Variants in ZFAT observed in about 807,000 individuals in gnomAD.
The protein encoded by ZFAT is zinc finger protein ZFAT.
A neutral mutation model predicts 117.7 loss-of-function variants in ZFAT; 64 were observed. The observed-to-expected ratio is 0.54, with a 90% confidence interval of 0.44 to 0.67. The LOEUF is 0.67. Among genes scored for constraint, ZFAT ranks in the 30% least tolerant of loss-of-function variants. The pLI, the probability that ZFAT is intolerant of heterozygous loss-of-function variation, is 0.00. For missense variants in ZFAT, 1,433 were observed against 1,584.5 expected, an observed-to-expected ratio of 0.90 and a Z score of 1.62; for synonymous variants, 679 against 615.0, an observed-to-expected ratio of 1.10 and a Z score of -1.54.
intron 1 of ZFAT, among the ~76,000 whole-genome samples, chr8:134,676,357 A>G (rs1004144210): frequency 6.6e-6 from 1 of 152,168 alleles, no homozygotes; most frequent in African/African-American, 2.4e-5. Context: ...GAAGTGCATT[A>G]CATAATGGTA....
intron 1 of ZFAT, among the ~76,000 whole-genome samples, chr8:134,699,163 A>G (rs944262731): frequency 1.3e-5 from 2 of 152,134 alleles, no homozygotes; most frequent in Non-Finnish European, 2.9e-5. Context: ...CTGAGGATAA[A>G]GCCAGGGTCC....
Position 134,655,646 on chromosome 8 carries a change from T to A in ZFAT, c.196+1915A>T, listed in dbSNP as rs181246539. On this transcript the variant is annotated intron_variant, in intron 2 of 15. Coordinates refer to ENST00000377838, the MANE Select transcript of ZFAT (RefSeq NM_020863.4). ...CTGGGCAACAGAGTGAGACTCAGTC[T>A]CAAAAAGAAAATGAAAAAAATAAAA... 1.4e-4 allele frequency among the ~76,000 whole-genome samples: 21 copies of A among 151,924 alleles called. 1 individual carries two copies. In the East Asian group the frequency reaches 2.5e-3, roughly 18 times the overall value.
chr8:134,716,757 G>C (rs1414865839), upstream of ZFAT, among the ~76,000 whole-genome samples: 1 of 152,162 alleles, frequency 6.6e-6, no homozygotes, highest in East Asian at 1.9e-4. Flanking sequence ...AGTTAACATT[G>C]TATATGCAAA....
At chr8:134,618,917 T>C (rs367704955) in intron 3 of ZFAT, among the ~76,000 whole-genome samples, 1 of 152,344 alleles carries the variant, frequency 6.6e-6, no homozygotes, top group African/African-American at 2.4e-5. Context: ...GTTTACATGC[T>C]AGTGAGGAAA....
the ZFAT span, among the ~76,000 whole-genome samples, chr8:134,779,752 AT>A: frequency 6.6e-6 from 1 of 152,192 alleles, no homozygotes; most frequent in African/African-American, 2.4e-5. Context: ...TAAACTCCCT[AT>A]TATACTTTTA....
chr8:134,765,284 T>A, the ZFAT span: 2 of 152,250 alleles, frequency 1.3e-5, no homozygotes, highest in African/African-American at 4.8e-5. Flanking sequence ...GCTTCTGGGG[T>A]CACTGAGGCC....
chr8:134,717,474 T>TTTTTTTTTTTTTTTTC (rs1814224837), upstream of ZFAT, among the ~76,000 whole-genome samples: 1 of 59,868 alleles, frequency 1.7e-5, no homozygotes, highest in African/African-American at 9.5e-5. Context: ...CTCTTTTTTT[T>TTTTTTTTTTTTTTTTC]TTTTTTTTTT....
chr8:134,754,630 T>A, the ZFAT span, among the ~76,000 whole-genome samples: 4 of 152,300 alleles, frequency 2.6e-5, no homozygotes, highest in African/African-American at 9.6e-5. Flanking sequence ...ACCTGTAAAA[T>A]AGTAGGAGGC....
the ZFAT span, among the ~76,000 whole-genome samples, chr8:134,775,495 G>A: frequency 6.6e-6 from 1 of 152,078 alleles, no homozygotes; most frequent in Admixed American, 6.6e-5. Flanking sequence ...AAAAATGGGG[G>A]AATTAACAAG....
chr8:134,730,690 T>C, the ZFAT span, among the ~76,000 whole-genome samples: 3 of 152,138 alleles, frequency 2.0e-5, no homozygotes, highest in South Asian at 6.2e-4. Context: ...ATTATTGGAG[T>C]TCAAATGACT....
intron 11 of ZFAT, among the ~76,000 whole-genome samples, chr8:134,548,278 C>T (rs78333030): frequency 0.015 from 2,337 of 152,284 alleles, 51 homozygotes; most frequent in African/African-American, 0.054. Flanking sequence ...CCCATTGATG[C>T]TGTTAAACAC....
At chr8:134,733,689 G>C in the ZFAT span, among the ~76,000 whole-genome samples, 45 of 152,374 alleles carry the variant, frequency 3.0e-4, no homozygotes, top group East Asian at 4.4e-3. Flanking sequence ...TGTGTCTCTT[G>C]ATTGTCCCTC....
At chr8:134,771,250 T>G in the ZFAT span, among the ~76,000 whole-genome samples, 1 of 152,222 alleles carries the variant, frequency 6.6e-6, no homozygotes, top group African/African-American at 2.4e-5. Flanking sequence ...TCTTTTGTAC[T>G]CTGTCCCTTT....
intron 15 of ZFAT, among the ~76,000 whole-genome samples, chr8:134,504,385 TA>T (rs910727384): frequency 3.9e-5 from 6 of 152,072 alleles, no homozygotes; most frequent in African/African-American, 1.4e-4. Context: ...CTGACCTTCT[TA>T]AAAAGAAGAT....
intron 5 of ZFAT, among the ~76,000 whole-genome samples, chr8:134,604,244 G>T (rs1827719371): frequency 6.6e-6 from 1 of 152,176 alleles, no homozygotes; most frequent in Non-Finnish European, 1.5e-5. Context: ...CTGAGTATTT[G>T]CCCCATGTTG....
At chr8:134,518,231 A>C (rs1820388640) in intron 13 of ZFAT, among the ~76,000 whole-genome samples, 1 of 152,124 alleles carries the variant, frequency 6.6e-6, no homozygotes, top group African/African-American at 2.4e-5. Flanking sequence ...TTATTTATTC[A>C]ATCATTTATT....
At chr8:134,746,327 T>C in the ZFAT span, among the ~76,000 whole-genome samples, 2 of 152,228 alleles carry the variant, frequency 1.3e-5, no homozygotes, top group African/African-American at 4.8e-5. Context: ...GATTTATCAT[T>C]TTCTGCTGAA....
At chr8:134,765,080 T>C in the ZFAT span, 1 of 152,258 alleles carries the variant, frequency 6.6e-6, no homozygotes, top group African/African-American at 2.4e-5. Flanking sequence ...GTGCTTGAAC[T>C]AGGTAGGATG....
intron 1 of ZFAT, among the ~76,000 whole-genome samples, chr8:134,709,646 G>A (rs1248697706): frequency 1.3e-5 from 2 of 152,214 alleles, no homozygotes; most frequent in East Asian, 3.8e-4. Flanking sequence ...CTGTATGCTT[G>A]AAACTATCTA....
Sources: gnomAD v4.1 joint callset for allele counts (sites outside exome capture counted in the v4.1 genomes callset) on GRCh38, gnomAD v4.1.1 for gene constraint, MANE v1.5 for transcripts, NCBI Gene and HGNC (gene_info 2026-07-23, HGNC 2026-07-21) for gene names.